The following GLYAT variants were observed in gnomAD, a reference collection of about 807,000 sequenced individuals.
The protein encoded by GLYAT is glycine-N-acyltransferase.
A neutral mutation model predicts 22.8 loss-of-function variants in GLYAT; 25 were observed. The ratio of observed to expected loss-of-function variants is 1.09; its 90% CI spans 0.80 to 1.53. GLYAT has a LOEUF of 1.53. Among genes scored for constraint, GLYAT ranks in the 40% most tolerant of loss-of-function variants. The pLI is 0.00. For missense variants in GLYAT, 411 were observed against 353.9 expected, an observed-to-expected ratio of 1.16 and a Z score of -1.29; for synonymous variants, 140 against 122.7, an observed-to-expected ratio of 1.14 and a Z score of -0.93.
chr11:58,721,514 T>G (rs1044712815), intron 2 of GLYAT, among the ~76,000 whole-genome samples: 5 of 151,426 alleles, frequency 3.3e-5, no homozygotes, highest in Non-Finnish European at 7.4e-5. Flanking sequence ...ATAGACAAGG[T>G]CTTAGGAGAG....
intron 1 of GLYAT, among the ~76,000 whole-genome samples, chr11:58,731,141 T>C (rs1856867556): frequency 6.6e-6 from 1 of 152,198 alleles, no homozygotes; most frequent in South Asian, 2.1e-4. Flanking sequence ...ATAAATCTTG[T>C]CTGTATTCTT....
chr11:58,713,542 AAAG>A (rs1856642255), intron 3 of GLYAT, among the ~76,000 whole-genome samples: 1 of 152,152 alleles, frequency 6.6e-6, no homozygotes, highest in Non-Finnish European at 1.5e-5. Context: ...TATTGATACC[AAAG>A]AAGATTAAAA....
chr11:58,728,131 C>T (rs1177925414), intron 1 of GLYAT, among the ~76,000 whole-genome samples: 10 of 133,430 alleles, frequency 7.5e-5, no homozygotes, highest in South Asian at 2.4e-4. Context: ...GGTGCAATCT[C>T]GGCTCACTGC....
intron 2 of GLYAT, among the ~76,000 whole-genome samples, chr11:58,717,043 T>C (rs374227198): frequency 1.1e-4 from 16 of 152,252 alleles, no homozygotes; most frequent in African/African-American, 3.8e-4. Flanking sequence ...CAGATATACA[T>C]CTTTCTTAGT....
At chr11:58,718,141 T>C (rs538080487) in intron 2 of GLYAT, among the ~76,000 whole-genome samples, 27 of 152,016 alleles carry the variant, frequency 1.8e-4, no homozygotes, top group Non-Finnish European at 3.5e-4. Flanking sequence ...AGTTAAAGCC[T>C]TAGTAAAATA....
At chr11:58,717,331 GAAAGGGAGA>G (rs537506635) in intron 2 of GLYAT, among the ~76,000 whole-genome samples, 22 of 152,066 alleles carry the variant, frequency 1.4e-4, no homozygotes, top group Non-Finnish European at 2.2e-4. Context: ...AAAATAGGGT[GAAAGGGAGA>G]AAAAACAACA....
In GLYAT at chr11:58,709,991, C is replaced by T; in HGVS notation, c.666G>A (p.Met222Ile). The change falls in exon 6 of 6, where the codon ATG becomes ATA. Residue 222 changes from methionine to isoleucine, a missense_variant. By Grantham distance (10) the Met-to-Ile change is conservative. Transcript: ENST00000344743. ...PEGTPVCWDL[M>I]DQTGEMRMAG... is the part of the protein sequence containing the mutation. ...CCATTCTCATCTCTCCAGTCTGGTC[C>T]ATTAGATCCCAGCACACAGGGGTCC... 2 of 1,614,100 alleles carry T rather than the reference C, an allele frequency of 1.2e-6. No homozygotes were observed. The highest frequency in any genetic ancestry group is 1.7e-4 in the Middle Eastern group (1 of 6,058).
chr11:58,728,931 AAGGAAGGAAGGAAG>A (rs1318898928), intron 1 of GLYAT, among the ~76,000 whole-genome samples: 1 of 150,608 alleles, frequency 6.6e-6, no homozygotes, highest in African/African-American at 2.4e-5. Flanking sequence ...GGAAGGAAGG[AAGGAAGGAAGGAAG>A]GAGAGAATAA....
chr11:58,722,226 A>C (rs1009352430), intron 2 of GLYAT, among the ~76,000 whole-genome samples: 10 of 152,012 alleles, frequency 6.6e-5, no homozygotes, highest in African/African-American at 2.4e-4. Context: ...GTCAAAGGTC[A>C]GGGGCATCTC....
chr11:58,731,416 A>G (rs957486243), intron 1 of GLYAT, among the ~76,000 whole-genome samples: 3 of 152,188 alleles, frequency 2.0e-5, no homozygotes, highest in African/African-American at 4.8e-5. Flanking sequence ...AATAGTTGTC[A>G]GATATGTGTT....
intron 1 of GLYAT, among the ~76,000 whole-genome samples, chr11:58,725,987 T>C (rs1856807999): frequency 6.6e-6 from 1 of 152,198 alleles, no homozygotes. Context: ...TCTGTCATTT[T>C]GCCTCTGAAT....
At chr11:58,713,176 A>G (rs1272203603) in intron 3 of GLYAT, among the ~76,000 whole-genome samples, 1 of 152,188 alleles carries the variant, frequency 6.6e-6, no homozygotes, top group Non-Finnish European at 1.5e-5. Context: ...TATACAATAC[A>G]TTGCTGTTAA....
In GLYAT at chr11:58,711,387, T is replaced by C. The variant is rs550551053; in HGVS notation, c.317-626A>G. Among the ~76,000 whole-genome samples the C allele has an allele frequency of 4.7e-3, 723 of 152,278 alleles. 6 individuals carry two copies. The highest frequency in any genetic ancestry group is 0.02 in the Middle Eastern group (6 of 294). Reference sequence around the variant, plus strand: ...TCAGTTCTCATGGCAAAATTGCTGGTGAGTGTACCCTTTCTGCAGAAAGTA... The same window carrying C: ...TCAGTTCTCATGGCAAAATTGCTGGCGAGTGTACCCTTTCTGCAGAAAGTA... On this transcript the variant is annotated intron_variant, in intron 4 of 5. Transcript: ENST00000344743.
chr11:58,729,153 T>C (rs1856846368), intron 1 of GLYAT, among the ~76,000 whole-genome samples: 1 of 152,162 alleles, frequency 6.6e-6, no homozygotes, highest in African/African-American at 2.4e-5. Context: ...GTGGATTTCT[T>C]CAACACAGTG....
chr11:58,730,935 AAT>A (rs1426591582), intron 1 of GLYAT, among the ~76,000 whole-genome samples: 2 of 152,178 alleles, frequency 1.3e-5, no homozygotes, highest in Admixed American at 1.3e-4. Flanking sequence ...CATAATATAT[AAT>A]ATGTATAGAC....
At chr11:58,731,634 A>T (rs376655695) in intron 1 of GLYAT, among the ~76,000 whole-genome samples, 1 of 152,322 alleles carries the variant, frequency 6.6e-6, no homozygotes, top group East Asian at 1.9e-4. Context: ...CATTACCATT[A>T]TGAAGCAAAT....
At chr11:58,715,833 CA>C in intron 2 of GLYAT, among the ~76,000 whole-genome samples, 1 of 152,238 alleles carries the variant, frequency 6.6e-6, no homozygotes, top group South Asian at 2.1e-4. Flanking sequence ...CAGTTGATGA[CA>C]TCTCAGCTGT....
intron 4 of GLYAT, 37 bp from the exon 5 acceptor site, chr11:58,710,798 G>T (rs750497262): frequency 2.4e-6 from 3 of 1,251,182 alleles, no homozygotes; most frequent in Non-Finnish European, 2.4e-6. Flanking sequence ...AATGGTTTAG[G>T]TATATTCTAG....
At chr11:58,719,263 A>C (rs1054085851) in intron 2 of GLYAT, among the ~76,000 whole-genome samples, 45 of 152,020 alleles carry the variant, frequency 3.0e-4, no homozygotes, top group African/African-American at 1.1e-3. Flanking sequence ...TTGAGAAAGG[A>C]AATTTAATTT....
Sources: gnomAD v4.1 joint callset for allele counts (sites outside exome capture counted in the v4.1 genomes callset) on GRCh38, gnomAD v4.1.1 for gene constraint, MANE v1.5 for transcripts, NCBI Gene and HGNC (gene_info 2026-07-23, HGNC 2026-07-21) for gene names.